Variants in CFAP77 observed in about 807,000 individuals in gnomAD.
CFAP77 encodes cilia- and flagella-associated protein 77.
A neutral mutation model predicts 31.1 loss-of-function variants in CFAP77; 25 were observed. The ratio of observed to expected loss-of-function variants is 0.80; its 90% confidence interval spans 0.59 to 1.12. The LOEUF is 1.12. Among genes scored for constraint, CFAP77 ranks in the 50% most tolerant of loss-of-function variants. The pLI, the probability that CFAP77 is intolerant of heterozygous loss-of-function variation, is 0.00. For missense variants in CFAP77, 377 were observed against 397.3 expected (o/e 0.95, Z 0.44); for synonymous variants, 151 against 159.9 (o/e 0.94, Z 0.42).
At chr9:132,538,642 A>G (rs7019265) in intron 4 of CFAP77, among the ~76,000 whole-genome samples, 62,258 of 151,914 alleles carry the variant, frequency 0.41, 12,897 homozygotes, top group African/African-American at 0.49. Flanking sequence ...GCTGGGCATG[A>G]TAGTGGGCAC....
At chr9:132,466,479 T>C (rs753774816) in intron 1 of CFAP77, among the ~76,000 whole-genome samples, 6 of 152,156 alleles carry the variant, frequency 3.9e-5, no homozygotes, top group Non-Finnish European at 8.8e-5. Context: ...GGGGACATTC[T>C]GCAAAGCCAG....
chr9:132,468,795 ACACACACACACACACGCACG>A (rs972611981), intron 1 of CFAP77, among the ~76,000 whole-genome samples: 1 of 145,872 alleles, frequency 6.9e-6, no homozygotes, highest in African/African-American at 2.7e-5. Flanking sequence ...ACACACGCAC[ACACACACACACACACGCACG>A]CACACACGGC....
At chr9:132,509,831 T>C (rs1007752577) in intron 3 of CFAP77, among the ~76,000 whole-genome samples, 1 of 152,080 alleles carries the variant, frequency 6.6e-6, no homozygotes, top group Non-Finnish European at 1.5e-5. Context: ...GGTAGCAGCC[T>C]GGGGCCCCCA....
rs1589883262 is a variant in CFAP77, at chr9:132,490,753, A to G, written c.196-7942A>G. On this transcript the variant is annotated intron_variant, in intron 1 of 5. Coordinates refer to ENST00000393216, the MANE Select transcript of CFAP77 (RefSeq NM_001282957.2). The surrounding 1 kb of genome is among the most constrained non-coding windows in gnomAD (Gnocchi z 4.6). ...GATTACCCTTCCCCCAACGCAGTCA[A>G]GACAGCTGTCCTGGGTCCCAGTCAC... 6.6e-6 allele frequency among the ~76,000 whole-genome samples: 1 copy of G among 152,324 alleles called. No individual in the cohort carries two copies. Among genetic ancestry groups the G allele is most frequent in the East Asian group, 1.9e-4 (1 of 5,188 alleles).
intron 1 of CFAP77, among the ~76,000 whole-genome samples, chr9:132,453,667 T>C (rs984568509): frequency 6.6e-6 from 1 of 152,178 alleles, no homozygotes; most frequent in African/African-American, 2.4e-5. Flanking sequence ...GGCTTCAGTG[T>C]GGGGGCTGGA....
At chr9:132,571,671 A>G (rs1214921783) in intron 5 of CFAP77, among the ~76,000 whole-genome samples, 1 of 152,178 alleles carries the variant, frequency 6.6e-6, no homozygotes, top group Non-Finnish European at 1.5e-5. Flanking sequence ...AGGTTATCCC[A>G]AAGGAGAAAT....
At chr9:132,544,233 G>A (rs1224044152) in intron 5 of CFAP77, among the ~76,000 whole-genome samples, 3 of 152,178 alleles carry the variant, frequency 2.0e-5, no homozygotes, top group Non-Finnish European at 2.9e-5. Flanking sequence ...GCGCCCTGCC[G>A]CCCGTCAGTG....
At chr9:132,465,297 A>C (rs1343507461) in intron 1 of CFAP77, among the ~76,000 whole-genome samples, 1 of 152,150 alleles carries the variant, frequency 6.6e-6, no homozygotes, top group Non-Finnish European at 1.5e-5. Context: ...TTCATTAGTC[A>C]TGGAATTCAT....
chr9:132,470,148 T>C (rs1851229982), intron 1 of CFAP77, among the ~76,000 whole-genome samples: 1 of 152,156 alleles, frequency 6.6e-6, no homozygotes, highest in African/African-American at 2.4e-5. Context: ...CTTTGCTCCA[T>C]GATCTTTTAA....
intron 3 of CFAP77, among the ~76,000 whole-genome samples, chr9:132,512,102 C>T (rs979256385): frequency 6.6e-6 from 1 of 152,052 alleles, no homozygotes; most frequent in South Asian, 2.1e-4. Flanking sequence ...CTCTGGAAGC[C>T]GGAAGTCTGA....
chr9:132,479,905 C>A (rs527238977), intron 1 of CFAP77, among the ~76,000 whole-genome samples: 58 of 152,112 alleles, frequency 3.8e-4, no homozygotes, highest in African/African-American at 1.1e-3. Context: ...CAAAGTGACG[C>A]GGCTATCAAG....
intron 5 of CFAP77, among the ~76,000 whole-genome samples, chr9:132,551,992 C>G (rs898463407): frequency 6.6e-6 from 1 of 152,250 alleles, no homozygotes; most frequent in Admixed American, 6.5e-5. Flanking sequence ...CCAAAAGCCT[C>G]TAGACCTTGA....
At chr9:132,460,016 G>A (rs1433561793) in intron 1 of CFAP77, among the ~76,000 whole-genome samples, 2 of 152,114 alleles carry the variant, frequency 1.3e-5, no homozygotes, top group Non-Finnish European at 2.9e-5. Context: ...TGACATCCAG[G>A]TCTTCATGCA....
At chr9:132,459,283 G>A (rs1188106260) in intron 1 of CFAP77, among the ~76,000 whole-genome samples, 2 of 152,080 alleles carry the variant, frequency 1.3e-5, no homozygotes, top group African/African-American at 2.4e-5. Flanking sequence ...GTGTTAGCCA[G>A]GATGGTCTCG....
rs919254883 is a variant in CFAP77 at position 132,490,331 on chromosome 9, G to A, written c.196-8364G>A. 2.0e-5 allele frequency among the ~76,000 whole-genome samples: 3 copies of A among 152,166 alleles called. No individual in the cohort carries two copies. The highest frequency in any genetic ancestry group is 4.8e-5 in the African/African-American group (2 of 41,432). ...TAGCACCATGGAAAAGCAGGTGACC[G>A]TCAAGCCTCAGGTGGCCCCTGTGTT... On this transcript the variant is annotated intron_variant, in intron 1 of 5. Transcript: ENST00000393216. This position sits in a 1 kb window ranked among gnomAD's most constrained non-coding sequence, Gnocchi z 4.6.
chr9:132,467,732 A>G (rs1851179892), intron 1 of CFAP77, among the ~76,000 whole-genome samples: 1 of 152,146 alleles, frequency 6.6e-6, no homozygotes, highest in Non-Finnish European at 1.5e-5. Flanking sequence ...TGGTAGAATC[A>G]CACGGTAATT....
chr9:132,500,182 C>T (rs1037380738), intron 3 of CFAP77, among the ~76,000 whole-genome samples: 1 of 150,136 alleles, frequency 6.7e-6, no homozygotes, highest in Non-Finnish European at 1.5e-5. Flanking sequence ...CTGTCTCTGT[C>T]TTCATGGAGT....
chr9:132,524,437 T>TA (rs1297407194), intron 3 of CFAP77, among the ~76,000 whole-genome samples: 370 of 147,230 alleles, frequency 2.5e-3, no homozygotes, highest in African/African-American at 8.4e-3. Flanking sequence ...CTGTCTCTAC[T>TA]AAAAAAAAAA....
At position 132,511,028 on chromosome 9, in the gene CFAP77, G is replaced by C. The variant is rs752833493; in HGVS notation, c.524+11428G>C. Among the ~76,000 whole-genome samples the C allele has an allele frequency of 2.0e-5, 3 of 152,180 alleles. No individual in the cohort carries two copies. Among genetic ancestry groups the C allele is most frequent in the Non-Finnish European group, 2.9e-5 (2 of 68,032 alleles). ...TCAGAACCCACATTCGTTACCTCCG[G>C]CCTATGCTGAGAGTTCATTTAGTGC... is the stretch of plus-strand genomic sequence containing the variant. On this transcript the variant is annotated intron_variant, in intron 3 of 5. Transcript: ENST00000393216. This position sits in a 1 kb window ranked among gnomAD's most constrained non-coding sequence, Gnocchi z 5.8.
Sources: allele counts gnomAD v4.1 joint callset (sites outside exome capture counted in the v4.1 genomes callset), GRCh38; gene constraint gnomAD v4.1.1; non-coding constraint Gnocchi (gnomAD v3.1); transcripts MANE v1.5; gene names NCBI Gene and HGNC (gene_info 2026-07-23, HGNC 2026-07-21).